Variants in ABCA8 observed in about 807,000 individuals in gnomAD.
ABCA8 encodes ATP binding cassette subfamily A member 8, also known as ABC-type organic anion transporter ABCA8.
In ABCA8, 177 loss-of-function variants were observed where a neutral mutation model predicts 192.3. The ratio of observed to expected loss-of-function variants is 0.92; its 90% CI spans 0.81 to 1.04. ABCA8 has a LOEUF of 1.04. Among genes scored for constraint, ABCA8 ranks in the 50% least tolerant of loss-of-function variants. The pLI, the probability that ABCA8 is intolerant of heterozygous loss-of-function variation, is 0.00. For synonymous variants in ABCA8, 642 were observed against 690.2 expected, an observed-to-expected ratio of 0.93 and a Z score of 1.09; for missense variants, 1,915 against 1,904.8, an observed-to-expected ratio of 1.01 and a Z score of -0.10.
At chr17:68,903,162 G>T in intron 20 of ABCA8, 139 bp downstream of exon 20, 1 of 928,606 alleles carries the variant, frequency 1.1e-6, no homozygotes, top group Non-Finnish European at 1.6e-6. Flanking sequence ...TCTCTCCTGT[G>T]CTTCTTCCAC....
chr17:68,903,403 C>T lies in ABCA8; in HGVS notation c.2495G>A (p.Arg832Lys). ...GAGAGCCACACCACCTATTGTCTTT[C>T]TCATCTTGTTAAGTGAAGAGAGGAC... is the stretch of plus-strand genomic sequence containing the variant. ...EQVLSSLNKM[R>K]KTIGGVALWR... is the part of the protein sequence containing the mutation. Residue 832 changes from arginine to lysine, a missense_variant, in exon 20 of 40, where the codon AGA (arginine) becomes AAA (lysine). Arg to Lys is a conservative substitution (Grantham distance 26). Transcript: ENST00000586539. The T allele has an allele frequency of 6.2e-7, 1 of 1,614,212 alleles. No homozygotes were observed. Among genetic ancestry groups the T allele is most frequent in the Non-Finnish European group, 8.5e-7 (1 of 1,180,040 alleles).
chr17:68,901,942 G>T (rs2066925205), intron 21 of ABCA8, among the ~76,000 whole-genome samples: 1 of 152,020 alleles, frequency 6.6e-6, no homozygotes, highest in African/African-American at 2.4e-5. Context: ...CTACTTTTAG[G>T]ATTACACCCC....
intron 4 of ABCA8, among the ~76,000 whole-genome samples, chr17:68,940,513 A>G (rs2068194646): frequency 6.6e-6 from 1 of 152,086 alleles, no homozygotes; most frequent in Admixed American, 6.6e-5. Flanking sequence ...CAGATCAACA[A>G]GTTTCTTTTT....
rs71144641 is a variant in ABCA8, at chr17:68,935,262, TTGTGTG to T, written c.466+1683_466+1688del. On this transcript the variant is annotated intron_variant, in intron 5 of 39. Coordinates refer to ENST00000586539, the MANE Select transcript of ABCA8 (RefSeq NM_001288985.2). ...GGCAGACGCTGCCACGCCTGGCTAATTGTGTGTGTGTGTGTGTGTGTGTGTGTGTGT... is the reference window on the plus strand; with the variant it reads ...GGCAGACGCTGCCACGCCTGGCTAATTGTGTGTGTGTGTGTGTGTGTGTGT... Among the ~76,000 whole-genome samples, 49 of 136,076 alleles carry T rather than the reference TTGTGTG, an allele frequency of 3.6e-4. 1 individual carries two copies. The South Asian group carries it at 5.0e-3, about 14-fold the overall frequency. 89.3% of individuals were successfully genotyped at this position (136,076 alleles called of 152,430 possible). A position where few individuals can be genotyped will look rare whatever the true frequency, so the allele number is the denominator to read the frequency against.
At chr17:68,907,269 C>G (rs1206001312) in intron 18 of ABCA8, among the ~76,000 whole-genome samples, 1 of 152,078 alleles carries the variant, frequency 6.6e-6, no homozygotes, top group East Asian at 1.9e-4. Context: ...GTTTCAACCA[C>G]TAATGTGGGC....
chr17:68,910,317 G>C (rs79413268), intron 17 of ABCA8, among the ~76,000 whole-genome samples: 4,351 of 152,248 alleles, frequency 0.029, 203 homozygotes, highest in African/African-American at 0.096. Flanking sequence ...TGTATGCTTG[G>C]GGGAGGGAGA....
At chr17:68,870,634 A>G (rs942097346) in intron 37 of ABCA8, among the ~76,000 whole-genome samples, 2 of 152,240 alleles carry the variant, frequency 1.3e-5, no homozygotes, top group Non-Finnish European at 2.9e-5. Flanking sequence ...TTCACTCAGC[A>G]TAAAGTCCTC....
chr17:68,919,168 T>G (rs377466653), intron 14 of ABCA8, 133 bp downstream of exon 14: 51 of 788,274 alleles, frequency 6.5e-5, no homozygotes, highest in Admixed American at 2.5e-4. Context: ...TGTTAGCTAT[T>G]GTTTAAATTG....
intron 21 of ABCA8, among the ~76,000 whole-genome samples, chr17:68,901,212 C>G (rs531517898): frequency 1.2e-4 from 19 of 152,198 alleles, no homozygotes; most frequent in African/African-American, 3.6e-4. Context: ...AGTGAATAGG[C>G]AAATTCTTAG....
At chr17:68,954,800 A>G (rs959814080) in intron 1 of ABCA8, among the ~76,000 whole-genome samples, 1 of 152,192 alleles carries the variant, frequency 6.6e-6, no homozygotes, top group Non-Finnish European at 1.5e-5. Context: ...TAAAGTCAGA[A>G]GAACACTTAT....
At chr17:68,924,130 T>A (rs1164846699) in intron 11 of ABCA8, among the ~76,000 whole-genome samples, 1 of 151,820 alleles carries the variant, frequency 6.6e-6, no homozygotes, top group East Asian at 1.9e-4. Flanking sequence ...TGAGGCCAAG[T>A]GAAGTTGGGT....
At chr17:68,905,437 G>A (rs1453273006) in intron 19 of ABCA8, among the ~76,000 whole-genome samples, 2 of 152,080 alleles carry the variant, frequency 1.3e-5, no homozygotes, top group Non-Finnish European at 2.9e-5. Context: ...ATGAGAAATA[G>A]TAAAGAACTG....
chr17:68,944,691 G>A (rs2068346031), intron 2 of ABCA8: 1 of 151,956 alleles, frequency 6.6e-6, no homozygotes, highest in Non-Finnish European at 1.5e-5. Flanking sequence ...AGGAAACCAC[G>A]TCGCTCTATG....
At chr17:68,883,934 A>G in intron 28 of ABCA8, 52 bp from the exon 29 acceptor site, 2 of 1,153,068 alleles carry the variant, frequency 1.7e-6, no homozygotes, top group Non-Finnish European at 2.5e-6. Flanking sequence ...TAATTGTTCA[A>G]TATCAAAGAT....
intron 7 of ABCA8, among the ~76,000 whole-genome samples, chr17:68,930,967 A>G (rs1215754147): frequency 1.3e-5 from 2 of 152,088 alleles, no homozygotes; most frequent in Non-Finnish European, 2.9e-5. Flanking sequence ...AACCTTGTCC[A>G]TTCTTGGAAT....
intron 9 of ABCA8, among the ~76,000 whole-genome samples, chr17:68,928,716 C>A (rs939339053): frequency 8.5e-5 from 13 of 152,050 alleles, no homozygotes; most frequent in African/African-American, 1.7e-4. Context: ...ATCACGTATT[C>A]TCTTCAATTA....
At chr17:68,916,467 C>T (rs2067366909) in intron 17 of ABCA8, among the ~76,000 whole-genome samples, 1 of 152,044 alleles carries the variant, frequency 6.6e-6, no homozygotes, top group Non-Finnish European at 1.5e-5. Context: ...TACCGTATGC[C>T]TGTATCAAAA....
chr17:68,868,612 A>G (rs1023471376), intron 38 of ABCA8, among the ~76,000 whole-genome samples: 11 of 152,168 alleles, frequency 7.2e-5, no homozygotes, highest in African/African-American at 2.7e-4. Context: ...GCTACTGAGT[A>G]AGCTTTCTTT....
At chr17:68,948,642 C>A (rs539958671) in intron 2 of ABCA8, among the ~76,000 whole-genome samples, 1 of 152,144 alleles carries the variant, frequency 6.6e-6, no homozygotes, top group Admixed American at 6.5e-5. Context: ...TAGACATTAG[C>A]CCTTTGTCAG....
Sources: allele counts gnomAD v4.1 joint callset (sites outside exome capture counted in the v4.1 genomes callset), GRCh38; gene constraint gnomAD v4.1.1; transcripts MANE v1.5; gene names NCBI Gene and HGNC (gene_info 2026-07-23, HGNC 2026-07-21).